The following NRXN3 variants were observed in gnomAD, a reference collection of about 807,000 sequenced individuals.
NRXN3 encodes the protein neurexin 3.
Under a neutral mutation model 137.6 loss-of-function variants are expected in NRXN3, and 32 were observed. That is an observed-to-expected ratio of 0.23 (90% confidence interval 0.18 to 0.31). The LOEUF (loss-of-function observed/expected upper bound fraction) is 0.31. Ranked by LOEUF, NRXN3 falls within the 10% of genes least tolerant of loss-of-function variation. NRXN3 has a pLI of 1.00. For missense variants in NRXN3, 1,574 were observed against 2,062.5 expected (o/e 0.76, Z 4.59); for synonymous variants, 798 against 784.5 (o/e 1.02, Z -0.29).
intron 15 of NRXN3, among the ~76,000 whole-genome samples, chr14:79,283,540 AG>A (rs1374540436): frequency 4.6e-5 from 7 of 152,194 alleles, no homozygotes; most frequent in Non-Finnish European, 1.0e-4. Flanking sequence ...GTTATATTAT[AG>A]ATTTGCTTAA....
At chr14:79,532,228 T>C (rs776330472) in intron 16 of NRXN3, among the ~76,000 whole-genome samples, 9 of 152,216 alleles carry the variant, frequency 5.9e-5, no homozygotes, top group Non-Finnish European at 1.2e-4. Context: ...TGTATGTCTT[T>C]ATGTAAGTTA....
chr14:79,521,982 G>A (rs1302378161), intron 16 of NRXN3, among the ~76,000 whole-genome samples: 1 of 152,120 alleles, frequency 6.6e-6, no homozygotes, highest in Non-Finnish European at 1.5e-5. Context: ...TTGTTGGGAG[G>A]ATGTTTCTAT....
At chr14:78,436,489 G>A (rs2094070608) in intron 4 of NRXN3, among the ~76,000 whole-genome samples, 1 of 152,150 alleles carries the variant, frequency 6.6e-6, no homozygotes. Flanking sequence ...TCAATGAGCA[G>A]ATTGGGGATT....
At chr14:78,648,119 C>T (rs912047467) in intron 5 of NRXN3, among the ~76,000 whole-genome samples, 4 of 152,170 alleles carry the variant, frequency 2.6e-5, no homozygotes, top group Non-Finnish European at 5.9e-5. Flanking sequence ...TTTATTGTGG[C>T]TTACAATTAA....
intron 10 of NRXN3, among the ~76,000 whole-genome samples, chr14:78,835,736 T>A (rs574001347): frequency 6.6e-6 from 1 of 152,300 alleles, no homozygotes; most frequent in East Asian, 1.9e-4. Flanking sequence ...TCCAAGACTT[T>A]CATTTGTCAA....
intron 20 of NRXN3, among the ~76,000 whole-genome samples, chr14:79,843,466 C>T (rs2099360431): frequency 6.6e-6 from 1 of 152,118 alleles, no homozygotes; most frequent in African/African-American, 2.4e-5. Context: ...GCTGTGGTAA[C>T]TTCCTAAGAC....
At chr14:79,809,250 ATTTG>A (rs1181567486) in intron 20 of NRXN3, among the ~76,000 whole-genome samples, 1 of 152,174 alleles carries the variant, frequency 6.6e-6, no homozygotes, top group Non-Finnish European at 1.5e-5. Flanking sequence ...TTTTTAACAA[ATTTG>A]TTTTAGAATT....
chr14:79,585,842 G>T (rs2097761888), intron 16 of NRXN3, among the ~76,000 whole-genome samples: 1 of 152,124 alleles, frequency 6.6e-6, no homozygotes, highest in African/African-American at 2.4e-5. Context: ...TTCCTTTTCA[G>T]TAGTAGCCTC....
At chr14:79,052,766 C>G (rs1417219822) in intron 15 of NRXN3, among the ~76,000 whole-genome samples, 4 of 152,320 alleles carry the variant, frequency 2.6e-5, no homozygotes, top group African/African-American at 9.6e-5. Context: ...GTAGGATTCA[C>G]CTCGCCTGCC....
intron 15 of NRXN3, among the ~76,000 whole-genome samples, chr14:79,219,452 A>G (rs557016244): frequency 4.9e-4 from 74 of 152,178 alleles, no homozygotes; most frequent in African/African-American, 1.8e-3. Context: ...TTTATTCATA[A>G]TGTTATCATT....
intron 19 of NRXN3, among the ~76,000 whole-genome samples, chr14:79,757,534 C>G (rs1248628388): frequency 6.6e-6 from 1 of 152,186 alleles, no homozygotes; most frequent in African/African-American, 2.4e-5. Context: ...TGCTCTTTTT[C>G]TCCTCCTGTT....
chr14:79,341,914 A>G (rs1183413949), intron 15 of NRXN3, among the ~76,000 whole-genome samples: 1 of 152,220 alleles, frequency 6.6e-6, no homozygotes, highest in African/African-American at 2.4e-5. Context: ...TAAGATCAAA[A>G]TTAAAATATG....
chr14:78,560,469 A>G (rs2096776288), intron 4 of NRXN3, among the ~76,000 whole-genome samples: 1 of 152,316 alleles, frequency 6.6e-6, no homozygotes, highest in Middle Eastern at 3.4e-3. Flanking sequence ...ACAAACAGCA[A>G]CACTTTTTAA....
chr14:78,584,130 T>C (rs2097034031), intron 4 of NRXN3, among the ~76,000 whole-genome samples: 1 of 152,172 alleles, frequency 6.6e-6, no homozygotes, highest in African/African-American at 2.4e-5. Flanking sequence ...TCCTAATCAC[T>C]AAACCATGTC....
chr14:78,959,338 A>G (rs2099403536), intron 11 of NRXN3, among the ~76,000 whole-genome samples: 1 of 152,232 alleles, frequency 6.6e-6, no homozygotes, highest in Admixed American at 6.5e-5. Flanking sequence ...TAAAACTTTG[A>G]GAGCGTTGTA....
chr14:79,029,671 C>G (rs986642680), intron 15 of NRXN3, among the ~76,000 whole-genome samples: 1 of 152,100 alleles, frequency 6.6e-6, no homozygotes, highest in African/African-American at 2.4e-5. Context: ...TACACAGTAG[C>G]TGCCAGTAGT....
intron 15 of NRXN3, among the ~76,000 whole-genome samples, chr14:79,263,222 T>A (rs527905723): frequency 6.6e-4 from 101 of 152,326 alleles, no homozygotes; most frequent in Non-Finnish European, 1.2e-3. Flanking sequence ...CTCCATGTTT[T>A]CAGCCACAGA....
At chr14:78,292,110 A>G (rs967382023) in intron 3 of NRXN3, among the ~76,000 whole-genome samples, 1 of 152,192 alleles carries the variant, frequency 6.6e-6, no homozygotes, top group Non-Finnish European at 1.5e-5. Context: ...TGAACATTAC[A>G]TCTTCCTCTT....
intron 8 of NRXN3, among the ~76,000 whole-genome samples, chr14:78,726,632 C>T (rs2098485113): frequency 6.6e-6 from 1 of 150,516 alleles, no homozygotes. Context: ...ATCCTGCCAA[C>T]CTCAGCCTCT....
Sources: allele counts gnomAD v4.1 joint callset (sites outside exome capture counted in the v4.1 genomes callset), GRCh38; gene constraint gnomAD v4.1.1; transcripts MANE v1.5; gene names NCBI Gene and HGNC (gene_info 2026-07-23, HGNC 2026-07-21).